The following TNR variants were observed in gnomAD, a reference collection of about 807,000 sequenced individuals.
The protein encoded by TNR is tenascin R.
A neutral mutation model predicts 150.4 loss-of-function variants in TNR; 45 were observed. The ratio of observed to expected loss-of-function variants is 0.30; its 90% CI spans 0.24 to 0.38. The LOEUF (loss-of-function observed/expected upper bound fraction) is 0.38, where lower values mean the gene tolerates loss of function less well. TNR is among the 10% of genes least tolerant of loss of function. The pLI is 1.00. For synonymous variants in TNR, 687 were observed against 678.4 expected, an observed-to-expected ratio of 1.01 and a Z score of -0.20; for missense variants, 1,544 against 1,759.1, an observed-to-expected ratio of 0.88 and a Z score of 2.19.
intron 2 of TNR, among the ~76,000 whole-genome samples, chr1:175,513,415 G>T (rs1659275052): frequency 6.6e-6 from 1 of 152,082 alleles, no homozygotes; most frequent in Non-Finnish European, 1.5e-5. Context: ...TTTTGGAGTT[G>T]GTCTGCCTGC....
At chr1:175,446,865 G>T (rs1656074181) in intron 2 of TNR, among the ~76,000 whole-genome samples, 1 of 152,108 alleles carries the variant, frequency 6.6e-6, no homozygotes, top group South Asian at 2.1e-4. Context: ...GTGTGTTCAT[G>T]TGTCTGTACA....
intron 1 of TNR, among the ~76,000 whole-genome samples, chr1:175,531,114 T>G (rs1225093132): frequency 1.3e-5 from 2 of 152,206 alleles, no homozygotes; most frequent in African/African-American, 2.4e-5. Context: ...CTATCCTCTT[T>G]TCCACTTAAC....
intron 2 of TNR, among the ~76,000 whole-genome samples, chr1:175,424,161 G>T (rs1411318608): frequency 6.6e-6 from 1 of 152,180 alleles, no homozygotes; most frequent in Non-Finnish European, 1.5e-5. Context: ...TATTTCGAAT[G>T]AATACTTTAA....
chr1:175,616,377 C>A (rs79983252), intron 1 of TNR, among the ~76,000 whole-genome samples: 2,852 of 152,270 alleles, frequency 0.019, 50 homozygotes, highest in Non-Finnish European at 0.034. Context: ...TGACACTGAT[C>A]CTTAGCCCTC....
chr1:175,408,392 T>A (rs886585353), intron 2 of TNR, among the ~76,000 whole-genome samples: 3 of 152,210 alleles, frequency 2.0e-5, no homozygotes, highest in African/African-American at 7.2e-5. Context: ...GTCTGTTCCA[T>A]TTCAGTTCTG....
intron 2 of TNR, among the ~76,000 whole-genome samples, chr1:175,459,870 CAAGAGA>C (rs1372286433): frequency 3.4e-4 from 27 of 78,586 alleles, no homozygotes; most frequent in African/African-American, 1.6e-3. Context: ...AATGAAAGAA[CAAGAGA>C]GAGAGAGAGA....
intron 2 of TNR, among the ~76,000 whole-genome samples, chr1:175,435,206 G>A (rs1655448596): frequency 6.6e-6 from 1 of 152,176 alleles, no homozygotes; most frequent in Non-Finnish European, 1.5e-5. Context: ...TACCAGTTAG[G>A]ACGGGGGTGA....
intron 3 of TNR, among the ~76,000 whole-genome samples, chr1:175,405,487 G>A: frequency 6.6e-6 from 1 of 152,186 alleles, no homozygotes; most frequent in East Asian, 1.9e-4. Context: ...TACTAATTAG[G>A]GGGTGGGCAA....
chr1:175,736,070 G>C (rs16849059), intron 1 of TNR, among the ~76,000 whole-genome samples: 8,534 of 152,268 alleles, frequency 0.056, 733 homozygotes, highest in African/African-American at 0.19. Context: ...ATAATTGCTA[G>C]CTTGTTGAAA....
At chr1:175,667,931 C>T (rs773994028) in intron 1 of TNR, among the ~76,000 whole-genome samples, 2 of 152,176 alleles carry the variant, frequency 1.3e-5, no homozygotes, top group Non-Finnish European at 2.9e-5. Context: ...CTACTCATGC[C>T]TTGCTACTCA....
At chr1:175,632,309 C>T (rs1218055202) in intron 1 of TNR, among the ~76,000 whole-genome samples, 3 of 152,210 alleles carry the variant, frequency 2.0e-5, no homozygotes, top group Admixed American at 6.5e-5. Flanking sequence ...AAGGCTCCCC[C>T]GTGCACTGTT....
At chr1:175,355,194 G>C in intron 17 of TNR, among the ~76,000 whole-genome samples, 1 of 152,216 alleles carries the variant, frequency 6.6e-6, no homozygotes, top group East Asian at 1.9e-4. Flanking sequence ...GCACAACCCA[G>C]TGAAGTTGCA....
chr1:175,432,058 G>A (rs1273562581), intron 2 of TNR, among the ~76,000 whole-genome samples: 1 of 152,074 alleles, frequency 6.6e-6, no homozygotes, highest in Non-Finnish European at 1.5e-5. Context: ...CTCTGCCTGT[G>A]GGGAGGGGGC....
intron 2 of TNR, among the ~76,000 whole-genome samples, chr1:175,477,285 T>C (rs1283327697): frequency 6.6e-6 from 1 of 152,178 alleles, no homozygotes; most frequent in Non-Finnish European, 1.5e-5. Context: ...AGATATGCCA[T>C]TTTCATATGT....
intron 2 of TNR, among the ~76,000 whole-genome samples, chr1:175,457,075 T>C (rs991877886): frequency 6.6e-6 from 1 of 152,262 alleles, no homozygotes; most frequent in Non-Finnish European, 1.5e-5. Flanking sequence ...TTCCCATTTC[T>C]GAGGCATTAA....
rs74567785 is a variant in TNR at position 175,524,257 on chromosome 1, G to A, written c.-64+4012C>T. On this transcript the variant is annotated intron_variant, in intron 2 of 22. Coordinates refer to ENST00000367674, the MANE Select transcript of TNR (RefSeq NM_003285.3). ...GGCACCTAGTATATGCTACATGCATGTCTGCCGAATTATGTTGAATTTGTT... is the reference window on the plus strand; with the variant it reads ...GGCACCTAGTATATGCTACATGCATATCTGCCGAATTATGTTGAATTTGTT... Among the ~76,000 whole-genome samples the A allele has an allele frequency of 2.4e-4, 37 of 152,194 alleles. No homozygotes were observed. In the East Asian group the frequency reaches 7.2e-3, roughly 29 times the overall value.
intron 2 of TNR, among the ~76,000 whole-genome samples, chr1:175,459,535 A>T (rs1343985678): frequency 6.6e-6 from 1 of 152,212 alleles, no homozygotes; most frequent in Non-Finnish European, 1.5e-5. Context: ...AAATTGTGAC[A>T]ATTTGTTAAG....
At chr1:175,651,674 G>A (rs1270255917) in intron 1 of TNR, among the ~76,000 whole-genome samples, 6 of 151,958 alleles carry the variant, frequency 3.9e-5, no homozygotes, top group Non-Finnish European at 8.8e-5. Context: ...CATCATACAA[G>A]TTGTTTCAGA....
intron 1 of TNR, among the ~76,000 whole-genome samples, chr1:175,612,120 G>T (rs529856355): frequency 1.3e-5 from 2 of 152,264 alleles, no homozygotes; most frequent in South Asian, 4.1e-4. Context: ...TTTTGGAGAA[G>T]CAGCCCACAG....
Sources: allele counts gnomAD v4.1 joint callset (sites outside exome capture counted in the v4.1 genomes callset), GRCh38; gene constraint gnomAD v4.1.1; transcripts MANE v1.5; gene names NCBI Gene and HGNC (gene_info 2026-07-23, HGNC 2026-07-21).